The following PTN variants were observed in gnomAD, a reference collection of about 807,000 sequenced individuals.
PTN encodes heparin affin regulatory protein.
Under a neutral mutation model 24.1 loss-of-function variants are expected in PTN, and 18 were observed. That is an observed-to-expected ratio of 0.75 (90% confidence interval 0.52 to 1.11). PTN has a LOEUF of 1.11. Among genes scored for constraint, PTN ranks in the 50% least tolerant of loss-of-function variants. The probability of loss-of-function intolerance (pLI) is 0.00; values close to 1 mark genes in which losing one functional copy is unlikely to be tolerated. For synonymous variants in PTN, 78 were observed against 68.6 expected, an observed-to-expected ratio of 1.14 and a Z score of -0.67; for missense variants, 163 against 198.8, an observed-to-expected ratio of 0.82 and a Z score of 1.08.
At chr7:137,270,285 C>A (rs952812397) in intron 1 of PTN, among the ~76,000 whole-genome samples, 1 of 152,114 alleles carries the variant, frequency 6.6e-6, no homozygotes, top group African/African-American at 2.4e-5. Context: ...TCAGTTAAGG[C>A]CAAAGATTTA....
chr7:137,343,321 C>A, intron 1 of PTN, 118 bp downstream of exon 1: 1 of 372,016 alleles, frequency 2.7e-6, no homozygotes, highest in South Asian at 2.0e-5. Flanking sequence ...AGCAAAGACA[C>A]CAGGCAGCCT....
intron 1 of PTN, among the ~76,000 whole-genome samples, chr7:137,301,284 G>A (rs1470968259): frequency 6.6e-6 from 1 of 151,848 alleles, no homozygotes; most frequent in Non-Finnish European, 1.5e-5. Context: ...AAGTGACCAG[G>A]TGCAACCCAA....
intron 1 of PTN, among the ~76,000 whole-genome samples, chr7:137,339,777 T>C (rs1191957972): frequency 2.0e-5 from 3 of 151,954 alleles, no homozygotes; most frequent in Non-Finnish European, 4.4e-5. Flanking sequence ...TGGGAAATAG[T>C]GGCAACCAAA....
At chr7:137,268,534 A>G (rs1340144971) in intron 1 of PTN, among the ~76,000 whole-genome samples, 1 of 152,190 alleles carries the variant, frequency 6.6e-6, no homozygotes, top group Admixed American at 6.5e-5. Context: ...CGACTGAGCA[A>G]GCCAGGGGGT....
intron 1 of PTN, among the ~76,000 whole-genome samples, chr7:137,281,383 G>A (rs929128000): frequency 3.9e-5 from 6 of 152,164 alleles, no homozygotes; most frequent in Admixed American, 3.9e-4. Flanking sequence ...GATTCAAGGA[G>A]TTCAAGGAAC....
chr7:137,339,446 G>A (rs867878247), intron 1 of PTN, among the ~76,000 whole-genome samples: 7 of 151,668 alleles, frequency 4.6e-5, no homozygotes, highest in South Asian at 2.1e-4. Context: ...ACCCCGAGAC[G>A]ATGTGATGGA....
chr7:137,320,439 G>A (rs1435438273), intron 1 of PTN, among the ~76,000 whole-genome samples: 4 of 152,154 alleles, frequency 2.6e-5, no homozygotes, highest in Non-Finnish European at 4.4e-5. Context: ...AGGAAATTTA[G>A]TACTGTGCTT....
intron 1 of PTN, chr7:137,326,249 A>G (rs1810259492): frequency 6.6e-6 from 1 of 152,168 alleles, no homozygotes; most frequent in Non-Finnish European, 1.5e-5. Context: ...TCTTAGGATA[A>G]TCCTGTCTCT....
intron 1 of PTN, among the ~76,000 whole-genome samples, chr7:137,330,036 C>T (rs940830256): frequency 3.9e-5 from 6 of 152,166 alleles, no homozygotes; most frequent in African/African-American, 1.4e-4. Flanking sequence ...CCTGTAATCC[C>T]AGCACTTTGG....
In PTN at chr7:137,251,315, C is replaced by T; in HGVS notation, c.366G>A (p.Leu122=). 28 of 1,614,162 alleles carry T rather than the reference C, an allele frequency of 1.7e-5. No homozygotes were observed. Among genetic ancestry groups the T allele is most frequent in the Non-Finnish European group, 2.3e-5 (27 of 1,180,024 alleles). The change falls in exon 4 of 5, where the codon CTG becomes CTA. Residue 122 remains leucine (L), a synonymous_variant. Transcript: ENST00000348225. ...NTALKTRTGS[L]KRALHNAECQ... ...ATTCGGCATTGTGCAGGGCTCGCTT[C>T]AGACTTCCAGTTCTGGTCTTCAGGG...
intron 1 of PTN, among the ~76,000 whole-genome samples, chr7:137,335,102 G>T (rs1314908652): frequency 7.1e-6 from 1 of 140,770 alleles, no homozygotes; most frequent in Non-Finnish European, 1.6e-5. Context: ...TAAATGACGA[G>T]TTGATGGGTG....
chr7:137,286,957 G>A (rs888207292), intron 1 of PTN, among the ~76,000 whole-genome samples: 7 of 152,126 alleles, frequency 4.6e-5, no homozygotes, highest in African/African-American at 1.4e-4. Context: ...TAAAATTGAA[G>A]ATTTAATAGA....
At chr7:137,293,781 A>C (rs1229720373) in intron 1 of PTN, among the ~76,000 whole-genome samples, 1 of 151,814 alleles carries the variant, frequency 6.6e-6, no homozygotes, top group Non-Finnish European at 1.5e-5. Flanking sequence ...TTTCGTTGAC[A>C]TGTCATCACT....
At chr7:137,292,870 T>C (rs562680746) in intron 1 of PTN, among the ~76,000 whole-genome samples, 18 of 152,140 alleles carry the variant, frequency 1.2e-4, no homozygotes, top group Non-Finnish European at 1.5e-4. Flanking sequence ...TGGGTGAGTT[T>C]TGGCATGTTG....
At chr7:137,319,362 T>G (rs322334) in intron 1 of PTN, among the ~76,000 whole-genome samples, 1 of 152,006 alleles carries the variant, frequency 6.6e-6, no homozygotes, top group Non-Finnish European at 1.5e-5. Context: ...TTTACTTTCT[T>G]CCATTTGTTC....
chr7:137,343,536 C>A lies in PTN; in HGVS notation c.-99G>T, dbSNP rs747932388. 1.5e-5 allele frequency: 8 copies of A among 518,900 alleles called. No individual in the cohort carries two copies. Among genetic ancestry groups the A allele is most frequent in the Non-Finnish European group, 2.7e-5 (7 of 259,878 alleles). The allele number at this position is 518,900 out of a possible 1,614,324, so 32.1% of individuals were successfully genotyped here. ...CCAGGTACCCGGCTCGCTGCAGCTC[C>A]TGCTTGGGCCGCTGCTGCTCTCCCC... On this transcript the variant is annotated 5_prime_UTR_variant, in exon 1 of 5. In the 5' UTR this introduces an upstream ATG that the reference lacks. Transcript: ENST00000348225.
chr7:137,229,708 C>A (rs1203766619), intron 4 of PTN, among the ~76,000 whole-genome samples: 1 of 151,742 alleles, frequency 6.6e-6, no homozygotes, highest in African/African-American at 2.4e-5. Context: ...CATTTCTATA[C>A]TAAAGAAATT....
chr7:137,237,210 C>T (rs936243142), intron 4 of PTN, among the ~76,000 whole-genome samples: 1 of 152,002 alleles, frequency 6.6e-6, no homozygotes, highest in African/African-American at 2.4e-5. Context: ...ATGACTGGTG[C>T]ATTTACAAGA....
chr7:137,284,237 T>C (rs749544230), intron 1 of PTN, among the ~76,000 whole-genome samples: 9 of 151,958 alleles, frequency 5.9e-5, no homozygotes, highest in Non-Finnish European at 8.8e-5. Context: ...ATTACAAGCG[T>C]GAGCCACCGC....
Sources: allele counts gnomAD v4.1 joint callset (sites outside exome capture counted in the v4.1 genomes callset), GRCh38; gene constraint gnomAD v4.1.1; transcripts MANE v1.5; gene names NCBI Gene and HGNC (gene_info 2026-07-23, HGNC 2026-07-21).